Variants in SPATA16 observed in about 807,000 individuals in gnomAD.
The protein encoded by SPATA16 is spermatogenesis associated 16.
SPATA16 carries 36 observed loss-of-function variants against 63.3 expected under a neutral mutation model. The ratio of observed to expected loss-of-function variants is 0.57; its 90% CI spans 0.44 to 0.75. The LOEUF (loss-of-function observed/expected upper bound fraction) is 0.75. Among genes scored for constraint, SPATA16 ranks in the 30% least tolerant of loss-of-function variants. The pLI, the probability that SPATA16 is intolerant of heterozygous loss-of-function variation, is 0.00. For synonymous variants in SPATA16, 203 were observed against 216.7 expected, an observed-to-expected ratio of 0.94 and a Z score of 0.56; for missense variants, 646 against 679.3, an observed-to-expected ratio of 0.95 and a Z score of 0.54.
chr3:172,968,908 A>G (rs1166298097), intron 5 of SPATA16, among the ~76,000 whole-genome samples: 2 of 152,238 alleles, frequency 1.3e-5, no homozygotes, highest in East Asian at 1.9e-4. Flanking sequence ...GAATAATTAG[A>G]TGAGAAATTT....
chr3:173,082,432 C>T (rs1340810776), intron 2 of SPATA16, among the ~76,000 whole-genome samples: 1 of 152,150 alleles, frequency 6.6e-6, no homozygotes, highest in Non-Finnish European at 1.5e-5. Context: ...CCCGCTTCTG[C>T]CTCCATCCAG....
chr3:172,920,180 A>G (rs771665035), intron 8 of SPATA16, among the ~76,000 whole-genome samples: 2 of 152,218 alleles, frequency 1.3e-5, no homozygotes, highest in Non-Finnish European at 2.9e-5. Flanking sequence ...ACTTGAATAT[A>G]TCACTACTCT....
At chr3:172,917,129 C>A (rs942648591) in intron 8 of SPATA16, among the ~76,000 whole-genome samples, 2 of 152,134 alleles carry the variant, frequency 1.3e-5, no homozygotes, top group Non-Finnish European at 2.9e-5. Context: ...ACTGCCAACT[C>A]CCATGGCATT....
chr3:172,979,443 G>A (rs948367558), intron 4 of SPATA16, among the ~76,000 whole-genome samples: 1 of 152,138 alleles, frequency 6.6e-6, no homozygotes, highest in African/African-American at 2.4e-5. Flanking sequence ...ACAGTGGCTT[G>A]AGTCAAGTAA....
At chr3:173,135,820 G>A (rs1354209018) in intron 1 of SPATA16, among the ~76,000 whole-genome samples, 1 of 152,188 alleles carries the variant, frequency 6.6e-6, no homozygotes, top group African/African-American at 2.4e-5. Flanking sequence ...GGAGCTCCTG[G>A]GCTTACTGGT....
intron 1 of SPATA16, among the ~76,000 whole-genome samples, chr3:173,137,488 A>G (rs1738578075): frequency 6.6e-6 from 1 of 152,202 alleles, no homozygotes; most frequent in Non-Finnish European, 1.5e-5. Context: ...GGCGGGATCT[A>G]TGGGAGGAAA....
At chr3:173,028,819 T>A (rs1560101393) in intron 3 of SPATA16, among the ~76,000 whole-genome samples, 1 of 152,048 alleles carries the variant, frequency 6.6e-6, no homozygotes, top group Non-Finnish European at 1.5e-5. Context: ...TCCCTTGAAT[T>A]CATCTATAGT....
intron 2 of SPATA16, among the ~76,000 whole-genome samples, chr3:173,078,926 C>A (rs1736867552): frequency 6.6e-6 from 1 of 152,014 alleles, no homozygotes; most frequent in African/African-American, 2.4e-5. Flanking sequence ...GGTCTGCAGA[C>A]AAGTAGGAGG....
At chr3:173,092,274 C>T (rs1045829852) in intron 2 of SPATA16, among the ~76,000 whole-genome samples, 1 of 152,134 alleles carries the variant, frequency 6.6e-6, no homozygotes, top group African/African-American at 2.4e-5. Flanking sequence ...CTTCACAGTT[C>T]TTGACAAGCC....
chr3:173,084,369 G>GT (rs1406573030), intron 2 of SPATA16, among the ~76,000 whole-genome samples: 2 of 151,926 alleles, frequency 1.3e-5, no homozygotes, highest in Admixed American at 6.6e-5. Flanking sequence ...AGGGTTGTTT[G>GT]TTTTTTTCTT....
chr3:173,064,994 C>T (rs1032164129), intron 2 of SPATA16, among the ~76,000 whole-genome samples: 1 of 152,238 alleles, frequency 6.6e-6, no homozygotes, highest in African/African-American at 2.4e-5. Context: ...TGGGTCTCTA[C>T]AACTATTGTT....
At chr3:173,051,859 T>C (rs1476261430) in intron 2 of SPATA16, among the ~76,000 whole-genome samples, 1 of 151,922 alleles carries the variant, frequency 6.6e-6, no homozygotes, top group Non-Finnish European at 1.5e-5. Context: ...TTGCTCAGGC[T>C]GGAGTGTAAT....
intron 6 of SPATA16, among the ~76,000 whole-genome samples, chr3:172,925,935 C>A (rs1345331258): frequency 6.6e-6 from 1 of 152,100 alleles, no homozygotes; most frequent in African/African-American, 2.4e-5. Flanking sequence ...AAGCGATTCT[C>A]CTGCTTTAGC....
rs191558160 is a variant in SPATA16, at chr3:173,020,744, G to A, written c.759-1169C>T. Among the ~76,000 whole-genome samples, 6 of 152,246 alleles carry A rather than the reference G, an allele frequency of 3.9e-5. No homozygotes were observed. The East Asian group carries it at 7.7e-4, about 20-fold the overall frequency. ...CAGTCCATGCCCTATCACCAAATGG[G>A]GACCCAGCCATTAGTGAAAGTTCGA... On this transcript the variant is annotated intron_variant, in intron 3 of 10. Transcript: ENST00000351008.
At position 173,053,030 on chromosome 3, in the gene SPATA16, G is replaced by A; in HGVS notation, c.613-3936C>T. ...GCAAGTCTAAATTCTTATGAGTATA[G>A]CTGTTGTTTTGATAAGAACCTAGAT... is the stretch of plus-strand genomic sequence containing the variant. On this transcript the variant is annotated intron_variant, in intron 2 of 10. Transcript: ENST00000351008. Among the ~76,000 whole-genome samples the A allele has an allele frequency of 1.3e-5, 2 of 152,098 alleles. 1 individual carries two copies.
rs146653532 is a variant in SPATA16 at position 173,089,273 on chromosome 3, G to A, written c.612+27847C>T. ...GTGAATGGAAGGTAGAGGAAACACT[G>A]ATGTGAAGACATGCGTCCTCTGTGG... On this transcript the variant is annotated intron_variant, in intron 2 of 10. Coordinates refer to ENST00000351008, the MANE Select transcript of SPATA16 (RefSeq NM_031955.6). Among the ~76,000 whole-genome samples the A allele has an allele frequency of 9.0e-3, 1,365 of 152,312 alleles. 14 individuals are homozygous for A. The highest frequency in any genetic ancestry group is 0.024 in the Middle Eastern group (7 of 294).
At chr3:172,898,343 A>T (rs1345670441) in intron 10 of SPATA16, among the ~76,000 whole-genome samples, 1 of 152,030 alleles carries the variant, frequency 6.6e-6, no homozygotes, top group Non-Finnish European at 1.5e-5. Flanking sequence ...TGTGTGGTAG[A>T]ATCATCCAGT....
chr3:173,088,208 C>A (rs1737132116), intron 2 of SPATA16, among the ~76,000 whole-genome samples: 1 of 151,450 alleles, frequency 6.6e-6, no homozygotes, highest in Non-Finnish European at 1.5e-5. Context: ...CCTCAGCCTC[C>A]CAAGTAGCTG....
intron 8 of SPATA16, among the ~76,000 whole-genome samples, chr3:172,919,551 C>T (rs535390672): frequency 2.0e-5 from 3 of 152,248 alleles, no homozygotes; most frequent in Non-Finnish European, 4.4e-5. Flanking sequence ...GACCAGGAAA[C>T]GTATTTACCG....
Sources: allele counts gnomAD v4.1 joint callset (sites outside exome capture counted in the v4.1 genomes callset), GRCh38; gene constraint gnomAD v4.1.1; transcripts MANE v1.5; gene names NCBI Gene and HGNC (gene_info 2026-07-23, HGNC 2026-07-21).